Variants in RP1 observed in about 807,000 individuals in gnomAD.
The protein encoded by RP1 is oxygen-regulated protein 1.
RP1 carries 16 observed loss-of-function variants against 14.8 expected under a neutral mutation model. The ratio of observed to expected loss-of-function variants is 1.08; its 90% CI spans 0.73 to 1.65. RP1 has a LOEUF of 1.65. Among genes scored for constraint, RP1 ranks in the 40% most tolerant of loss-of-function variants. The probability of loss-of-function intolerance (pLI) is 0.00; values close to 1 mark genes in which losing one functional copy is unlikely to be tolerated. For missense variants in RP1, 2,631 were observed against 2,535.0 expected, an observed-to-expected ratio of 1.04 and a Z score of -0.81; for synonymous variants, 876 against 883.6, an observed-to-expected ratio of 0.99 and a Z score of 0.15.
chr8:54,599,516 TGGCACCGTCTC>T (rs1394099546), intron 1 of RP1, among the ~76,000 whole-genome samples: 2 of 151,826 alleles, frequency 1.3e-5, no homozygotes, highest in Non-Finnish European at 1.5e-5. Flanking sequence ...TGGAATGCGG[TGGCACCGTCTC>T]GGCTCACTGC....
intron 25 of RP1, among the ~76,000 whole-genome samples, chr8:54,842,232 C>T (rs531902464): frequency 3.9e-5 from 6 of 152,264 alleles, no homozygotes; most frequent in African/African-American, 9.6e-5. Flanking sequence ...CAGCATCTGG[C>T]GGCAAATCTA....
intron 1 of RP1, among the ~76,000 whole-genome samples, chr8:54,562,635 T>C (rs1804312628): frequency 6.6e-6 from 1 of 151,242 alleles, no homozygotes; most frequent in South Asian, 2.1e-4. Context: ...GATGGTGCCA[T>C]GGCACTCTAG....
chr8:54,663,132 T>C (rs1338175916), intron 6 of RP1, among the ~76,000 whole-genome samples: 1 of 152,206 alleles, frequency 6.6e-6, no homozygotes, highest in African/African-American at 2.4e-5. Flanking sequence ...GAATCACCCC[T>C]TTCTCTAGTG....
At chr8:54,560,630 A>G (rs1804265613) in intron 1 of RP1, 1 of 151,936 alleles carries the variant, frequency 6.6e-6, no homozygotes, top group Admixed American at 6.6e-5. Flanking sequence ...AGTGGTTCAG[A>G]ACACCTGCTG....
chr8:54,655,403 A>C (rs553251535), intron 5 of RP1, among the ~76,000 whole-genome samples: 1 of 152,162 alleles, frequency 6.6e-6, no homozygotes, highest in Non-Finnish European at 1.5e-5. Context: ...TTCAGTTCCT[A>C]CCAGAAATTA....
intron 20 of RP1, among the ~76,000 whole-genome samples, chr8:54,755,310 C>A (rs1315477394): frequency 6.6e-6 from 1 of 152,132 alleles, no homozygotes; most frequent in Non-Finnish European, 1.5e-5. Context: ...TCACCTTTAC[C>A]ACTAAAATAC....
chr8:54,662,796 T>C (rs1019117602), intron 6 of RP1, among the ~76,000 whole-genome samples: 1 of 152,152 alleles, frequency 6.6e-6, no homozygotes, highest in South Asian at 2.1e-4. Flanking sequence ...TTCTTCCCCA[T>C]TCCTCCTGCT....
Position 54,628,843 on chromosome 8 carries a change from C to G in RP1, c.4961C>G (p.Ser1654Cys), listed in dbSNP as rs545418319. The change falls in exon 4 of 4, where the codon TCT (serine) becomes TGT (cysteine). Residue 1654 changes from serine (S) to cysteine (C), a missense_variant. Transcript: ENST00000220676. ...PSFFPGSTRK[S>C]QVCPYNSVEF... The stretch of plus-strand genomic sequence containing the variant: ...TTTTTTCCTGGGTCTACCCGCAAAT[C>G]TCAGGTTTGTCCTTATAATTCTGTG... 6.8e-6 allele frequency: 11 copies of G among 1,614,072 alleles called. No individual in the cohort carries two copies. In the Admixed American group the frequency reaches 1.8e-4, roughly 27 times the overall value.
intron 26 of RP1, among the ~76,000 whole-genome samples, chr8:54,855,493 A>C (rs1191465263): frequency 1.3e-5 from 2 of 152,242 alleles, no homozygotes; most frequent in African/African-American, 4.8e-5. Context: ...GGAAAAAGAT[A>C]AATTATACTA....
At chr8:54,732,703 G>A (rs773562873) in intron 17 of RP1, among the ~76,000 whole-genome samples, 13 of 152,050 alleles carry the variant, frequency 8.5e-5, no homozygotes, top group Non-Finnish European at 1.5e-4. Flanking sequence ...CAATTGCCTG[G>A]GCCTGAGGAA....
chr8:54,636,630 C>A (rs868510960), intron 3 of RP1, among the ~76,000 whole-genome samples: 2 of 151,996 alleles, frequency 1.3e-5, no homozygotes, highest in Non-Finnish European at 2.9e-5. Context: ...CCTAGCTACT[C>A]GGGAGGCTGA....
intron 24 of RP1, chr8:54,783,765 C>T: frequency 9.0e-7 from 1 of 1,113,544 alleles, no homozygotes; most frequent in Non-Finnish European, 1.1e-6. Context: ...ATATACATCC[C>T]CGAAGATGAA....
At chr8:54,608,594 C>G (rs932956504) in intron 1 of RP1, among the ~76,000 whole-genome samples, 3 of 151,964 alleles carry the variant, frequency 2.0e-5, no homozygotes, top group Non-Finnish European at 4.4e-5. Context: ...TAGAGAACTC[C>G]TAGGGGATGG....
chr8:54,783,572 C>T, exon 24 of RP1: 1 of 1,231,572 alleles, frequency 8.1e-7, no homozygotes, highest in Non-Finnish European at 1.0e-6. Context: ...TGACCATTGT[C>T]ACTGGGGATC....
At chr8:54,855,332 T>C (rs1194596662) in intron 26 of RP1, among the ~76,000 whole-genome samples, 2 of 152,224 alleles carry the variant, frequency 1.3e-5, no homozygotes, top group Non-Finnish European at 2.9e-5. Flanking sequence ...CTGAATAATA[T>C]TTCAAAACAT....
intron 1 of RP1, among the ~76,000 whole-genome samples, chr8:54,570,360 G>A (rs1336580035): frequency 7.4e-5 from 11 of 148,764 alleles, no homozygotes; most frequent in Admixed American, 2.0e-4. Context: ...ACAGAGTCTC[G>A]TTCTGTCTCC....
At chr8:54,739,171 T>C (rs1289628800) in intron 19 of RP1, 1 of 468,334 alleles carries the variant, frequency 2.1e-6, no homozygotes, top group Non-Finnish European at 3.7e-6. Flanking sequence ...TGTAAACTCA[T>C]GGTAAATAAA....
At chr8:54,631,239 G>T (rs940696070), downstream of RP1, among the ~76,000 whole-genome samples, 2 of 152,094 alleles carry the variant, frequency 1.3e-5, no homozygotes, top group African/African-American at 4.8e-5. Flanking sequence ...ATTATGAATT[G>T]CTACTTCATC....
At chr8:54,794,283 G>A (rs1810531422) in intron 24 of RP1, among the ~76,000 whole-genome samples, 1 of 151,478 alleles carries the variant, frequency 6.6e-6, no homozygotes, top group Non-Finnish European at 1.5e-5. Flanking sequence ...AACAAAGCTG[G>A]ATGCATTGCA....
Sources: allele counts gnomAD v4.1 joint callset (sites outside exome capture counted in the v4.1 genomes callset), GRCh38; gene constraint gnomAD v4.1.1; transcripts MANE v1.5; gene names NCBI Gene and HGNC (gene_info 2026-07-23, HGNC 2026-07-21).